The following MPP2 variants were observed in gnomAD, a reference collection of about 807,000 sequenced individuals.
MPP2 encodes MAGUK p55 subfamily member 2.
In MPP2, 42 loss-of-function variants were observed where a neutral mutation model predicts 58.5. The ratio of observed to expected loss-of-function variants is 0.72; its 90% CI spans 0.56 to 0.93. MPP2 has a LOEUF of 0.93. Among genes scored for constraint, MPP2 ranks in the 40% least tolerant of loss-of-function variants. The pLI is 0.00. For synonymous variants in MPP2, 300 were observed against 307.8 expected, an observed-to-expected ratio of 0.97 and a Z score of 0.26; for missense variants, 632 against 760.4, an observed-to-expected ratio of 0.83 and a Z score of 1.99.
At chr17:43,881,429 GGA>G (rs755578453) in intron 7 of MPP2, 27 bp downstream of exon 7, 5 of 1,613,886 alleles carry the variant, frequency 3.1e-6, no homozygotes, top group Admixed American at 1.7e-5. Flanking sequence ...CACCATACCT[GGA>G]GAGATGCGGG....
intron 3 of MPP2, among the ~76,000 whole-genome samples, chr17:43,891,587 C>T (rs2047609518): frequency 6.6e-6 from 1 of 151,734 alleles, no homozygotes; most frequent in Admixed American, 6.6e-5. Context: ...AGGTATCATT[C>T]TCCCCACTTC....
rs1390186417 is a variant in MPP2 at position 43,879,287 on chromosome 17, G to T, written c.1470C>A (p.Thr490=). The change falls in exon 12 of 13, where the codon ACC becomes ACA. Residue 490 remains threonine, a synonymous_variant. Transcript: ENST00000269095. This position sits in a 1 kb window ranked among gnomAD's most constrained non-coding sequence, Gnocchi z 4.1. The part of the protein sequence containing the change: ...NRAALESGIS[T]KQLTEADLRR... ...TCAGAGCCCTCACCGTGAGCTGCTT[G>T]GTGGATATTCCACTCTCCAGCGCAG... 6.2e-7 allele frequency: 1 copy of T among 1,612,756 alleles called. No homozygotes were observed. The highest frequency in any genetic ancestry group is 2.2e-5 in the East Asian group (1 of 44,818).
At chr17:43,883,483 C>A (rs2047238107) in intron 3 of MPP2, 128 bp from the exon 4 acceptor site, 2 of 1,002,922 alleles carry the variant, frequency 2.0e-6, no homozygotes, top group Non-Finnish European at 2.9e-6. Context: ...TTCAGCTCCT[C>A]ACTCACTGAC....
chr17:43,884,097 A>G (rs1222986483), intron 3 of MPP2: 2 of 702,722 alleles, frequency 2.8e-6, no homozygotes, highest in Non-Finnish European at 5.2e-6. Flanking sequence ...AAAGTATTTC[A>G]GCATGTATTT....
intron 7 of MPP2, 32 bp downstream of exon 7, chr17:43,881,426 C>T (rs745359371): frequency 2.5e-6 from 4 of 1,614,014 alleles, no homozygotes; most frequent in Middle Eastern, 1.6e-4. Flanking sequence ...ATGCACCATA[C>T]CTGGAGAGAT....
chr17:43,885,874 C>G (rs984539897), intron 3 of MPP2, among the ~76,000 whole-genome samples: 1 of 152,062 alleles, frequency 6.6e-6, no homozygotes, highest in African/African-American at 2.4e-5. Flanking sequence ...CTTTGGGAAG[C>G]CAAGGCAGGA....
Position 43,880,437 on chromosome 17 carries a change from A to G in MPP2, c.1150+254T>C, listed in dbSNP as rs916723452. Among the ~76,000 whole-genome samples the G allele has an allele frequency of 6.6e-6, 1 of 152,220 alleles. No homozygotes were observed. Among genetic ancestry groups the G allele is most frequent in the African/African-American group, 2.4e-5 (1 of 41,446 alleles). ...GGCACTCACTTTCTTCATGGCTTTT[A>G]GCAAGTGAAACAAGAGAAGGAAAGT... On this transcript the variant is annotated intron_variant, in intron 10 of 12. Transcript: ENST00000269095. The surrounding 1 kb of genome is among the most constrained non-coding windows in gnomAD (Gnocchi z 5.2).
Position 43,898,294 on chromosome 17 carries a change from T to C in MPP2, c.118A>G (p.Met40Val), listed in dbSNP as rs773733127. ...AGGGATCTTACTATGGGACTTTCCA[T>C]AATGCCTCGAAGGAAGATCAGGTCC... The part of the protein sequence containing the change: ...ELDLIFLRGI[M>V]ESPIVRSLAK... Residue 40 changes from methionine to valine, a missense_variant, in exon 3 of 13, where the codon ATG becomes GTG. Met to Val is a conservative substitution (Grantham distance 21). Coordinates refer to ENST00000269095, the MANE Select transcript of MPP2 (RefSeq NM_005374.5). 10 of 1,614,042 alleles carry C rather than the reference T, an allele frequency of 6.2e-6. No homozygotes were observed. Among genetic ancestry groups the C allele is most frequent in the South Asian group, 3.3e-5 (3 of 91,086 alleles).
chr17:43,882,428 C>A lies in MPP2; in HGVS notation c.537G>T (p.Leu179=). The A allele has an allele frequency of 6.2e-7, 1 of 1,610,702 alleles. No individual in the cohort carries two copies. The highest frequency in any genetic ancestry group is 2.2e-5 in the East Asian group (1 of 44,876). ...CCTCCTTGATGATGTCACCCACATG[C>A]AGCAGGCCTTGTTGAGCCACCATGC... ...HGGMVAQQGL[L]HVGDIIKEVN... The change falls in exon 6 of 13, where the codon CTG becomes CTT. Residue 179 remains leucine (L), a synonymous_variant. Transcript: ENST00000269095.
At chr17:43,898,784 G>A (rs1204624405) in intron 2 of MPP2, among the ~76,000 whole-genome samples, 2 of 152,184 alleles carry the variant, frequency 1.3e-5, no homozygotes, top group African/African-American at 4.8e-5. Context: ...GGGCAACAAG[G>A]CAAAACCCCA....
At position 43,875,927 on chromosome 17, in the gene MPP2, G is replaced by A. The variant is rs9902075; in HGVS notation, c.*1880C>T. ...ATGGCAAGTGACCCTATAGCCTCAG[G>A]TCAGCAAGAAAACACCCCATTTCCT... On this transcript the variant is annotated 3_prime_UTR_variant, in exon 13 of 13. Transcript: ENST00000269095. 1.3e-5 allele frequency: 2 copies of A among 152,118 alleles called. No individual in the cohort carries two copies. The highest frequency in any genetic ancestry group is 4.8e-5 in the African/African-American group (2 of 41,388). The allele number at this position is 152,118 out of a possible 1,614,324, so 9.4% of individuals were successfully genotyped here.
chr17:43,879,933 A>C lies in MPP2; in HGVS notation c.1202T>G (p.Phe401Cys). The C allele has an allele frequency of 6.2e-7, 1 of 1,614,024 alleles. No individual in the cohort carries two copies. The highest frequency in any genetic ancestry group is 8.5e-7 in the Non-Finnish European group (1 of 1,179,986). Residue 401 changes from phenylalanine (F) to cysteine (C), a missense_variant, in exon 11 of 13, where the codon TTT becomes TGT. Phe to Cys is a radical substitution (Grantham distance 205). Coordinates refer to ENST00000269095, the MANE Select transcript of MPP2 (RefSeq NM_005374.5). This position sits in a 1 kb window ranked among gnomAD's most constrained non-coding sequence, Gnocchi z 4.1. ...AGCCTCCATCTCCCCACGGGACACA[A>C]AGCTGTAACCCTGACCTTCCCGCTC... ...DSEREGQGYSFVSRGEMEADV... is the reference protein window; with the variant it reads ...DSEREGQGYSCVSRGEMEADV...
rs994932998 is a variant in MPP2 at position 43,901,226 on chromosome 17, G to A, written c.32-2846C>T. ...ACCCTTGGTCAGCCACTGGGAGGCA[G>A]GGTACGTGGGGGAGGTGGCATCGCT... On this transcript the variant is annotated intron_variant, in intron 2 of 12. Transcript: ENST00000269095. 5.1e-6 allele frequency: 5 copies of A among 982,660 alleles called. No individual in the cohort carries two copies. The African/African-American group carries it at 7.0e-5, about 14-fold the overall frequency. 60.9% of individuals were successfully genotyped at this position (982,660 alleles called of 1,614,324 possible).
Position 43,877,816 on chromosome 17 carries a change from C to CCA in MPP2, c.1648_1649dup (p.Trp550CysfsTer27). On this transcript the variant is annotated frameshift_variant, in exon 13 of 13. Transcript: ENST00000269095. LOFTEE classifies it high-confidence loss of function. ...GACCAGGTGAACAGGCTCAGTACAC[C>CCA]CAGCTGACAGGCACCCACTGGGGCT... 1 of 1,613,504 alleles carries CCA rather than the reference C, an allele frequency of 6.2e-7. No individual in the cohort carries two copies. Among genetic ancestry groups the CCA allele is most frequent in the African/African-American group, 1.3e-5 (1 of 74,986 alleles).
chr17:43,879,022 G>A lies in MPP2; in HGVS notation c.1482+253C>T, dbSNP rs1482660944. 6.6e-6 allele frequency among the ~76,000 whole-genome samples: 1 copy of A among 152,202 alleles called. No individual in the cohort carries two copies. The highest frequency in any genetic ancestry group is 1.5e-5 in the Non-Finnish European group (1 of 68,038). On this transcript the variant is annotated intron_variant, in intron 12 of 12. Coordinates refer to ENST00000269095, the MANE Select transcript of MPP2 (RefSeq NM_005374.5). The surrounding 1 kb of genome is among the most constrained non-coding windows in gnomAD (Gnocchi z 4.1). ...ACTCTGTCTCTGCAGAGTGGGCTGA[G>A]CCGGGGGCCTTGAGTCAGAAGCACA...
chr17:43,901,137 C>T, intron 2 of MPP2: 1 of 430,310 alleles, frequency 2.3e-6, no homozygotes, highest in African/African-American at 2.1e-5. Context: ...CAGCCCTCCA[C>T]CGGGAGGCAG....
In MPP2 at chr17:43,876,638, GAC is replaced by G. The variant is rs112263548; in HGVS notation, c.*1167_*1168del. 58 of 134,320 alleles carry G rather than the reference GAC, an allele frequency of 4.3e-4. No individual in the cohort carries two copies. Among genetic ancestry groups the G allele is most frequent in the South Asian group, 1.6e-3 (6 of 3,824 alleles). The allele number at this position is 134,320 out of a possible 1,614,324, so 8.3% of individuals were successfully genotyped here. On this transcript the variant is annotated 3_prime_UTR_variant, in exon 13 of 13. Coordinates refer to ENST00000269095, the MANE Select transcript of MPP2 (RefSeq NM_005374.5). The stretch of plus-strand genomic sequence containing the variant: ...TTTGCTTCCTCCCCAAATTAAACCT[GAC>G]ACACACACACACACACGCACGTGCA...
chr17:43,896,688 C>A (rs975505556), intron 3 of MPP2, among the ~76,000 whole-genome samples: 3 of 152,154 alleles, frequency 2.0e-5, no homozygotes, highest in African/African-American at 7.2e-5. Flanking sequence ...TCACCCCCAC[C>A]CTGGGAAATC....
In MPP2 at chr17:43,881,457, C is replaced by T. The variant is rs2047115082; in HGVS notation, c.813+1G>A. ...GAGATGCGGGGGTGCCCGCAGCTCA[C>T]CTGCCACCAGTTGGCATCATCCTGG... On this transcript the variant is annotated splice_donor_variant, in intron 7 of 12. Coordinates refer to ENST00000269095, the MANE Select transcript of MPP2 (RefSeq NM_005374.5). LOFTEE classifies it high-confidence loss of function. The T allele has an allele frequency of 4.3e-6, 7 of 1,614,122 alleles. No individual in the cohort carries two copies. Among genetic ancestry groups the T allele is most frequent in the Middle Eastern group, 1.6e-4 (1 of 6,062 alleles).
Sources: gnomAD v4.1 joint callset for allele counts (sites outside exome capture counted in the v4.1 genomes callset) on GRCh38, gnomAD v4.1.1 for gene constraint, Gnocchi (gnomAD v3.1) non-coding constraint, MANE v1.5 for transcripts, NCBI Gene and HGNC (gene_info 2026-07-23, HGNC 2026-07-21) for gene names.